The following SLF1 variants were observed in gnomAD, a reference collection of about 807,000 sequenced individuals.
The protein encoded by SLF1 is SMC5/6 complex localization factor 1, also known as SMC5-SMC6 complex localization factor protein 1.
Under a neutral mutation model 123.0 loss-of-function variants are expected in SLF1, and 105 were observed. That is an observed-to-expected ratio of 0.85 (90% CI 0.73 to 1.00). The LOEUF is 1.00. Ranked by LOEUF, SLF1 falls within the 50% of genes least tolerant of loss-of-function variation. The pLI is 0.00. For synonymous variants in SLF1, 434 were observed against 406.6 expected (o/e 1.07, Z -0.81); for missense variants, 1,239 against 1,223.0 (o/e 1.01, Z -0.20).
At chr5:94,658,223 A>T (rs1748660010) in intron 9 of SLF1, among the ~76,000 whole-genome samples, 1 of 144,286 alleles carries the variant, frequency 6.9e-6, no homozygotes, top group Non-Finnish European at 1.5e-5. Flanking sequence ...TTTGCTTTAC[A>T]GTGAGTTTTA....
At chr5:94,672,037 T>C (rs1322236050) in intron 14 of SLF1, among the ~76,000 whole-genome samples, 1 of 152,116 alleles carries the variant, frequency 6.6e-6, no homozygotes, top group Non-Finnish European at 1.5e-5. Context: ...AACCAGAATG[T>C]GTTTTTTCTG....
intron 5 of SLF1, among the ~76,000 whole-genome samples, chr5:94,645,226 C>G (rs1442244512): frequency 6.6e-6 from 1 of 152,122 alleles, no homozygotes; most frequent in Non-Finnish European, 1.5e-5. Context: ...TAGTTATGAA[C>G]ACAGAAGAAT....
At chr5:94,635,873 A>G (rs1745711138) in intron 4 of SLF1, among the ~76,000 whole-genome samples, 1 of 152,190 alleles carries the variant, frequency 6.6e-6, no homozygotes, top group South Asian at 2.1e-4. Flanking sequence ...ATATGATTCT[A>G]CATTACTTAG....
chr5:94,664,056 A>G (rs926544003), intron 11 of SLF1, 148 bp downstream of exon 11: 1 of 677,944 alleles, frequency 1.5e-6, no homozygotes, highest in African/African-American at 1.9e-5. Context: ...ATTTATTACT[A>G]CTGTTCTGTT....
At chr5:94,650,519 C>T (rs550956318) in intron 6 of SLF1, among the ~76,000 whole-genome samples, 30 of 152,104 alleles carry the variant, frequency 2.0e-4, no homozygotes, top group African/African-American at 6.5e-4. Context: ...CCCGCCATTG[C>T]GCCTGGCTAA....
In SLF1 at chr5:94,689,552, G is replaced by A. The variant is rs1752841197; in HGVS notation, c.2365G>A (p.Glu789Lys). 3 of 1,611,620 alleles carry A rather than the reference G, an allele frequency of 1.9e-6. No individual in the cohort carries two copies. The highest frequency in any genetic ancestry group is 1.1e-5 in the South Asian group (1 of 90,816). The change falls in exon 18 of 21, where the codon GAG becomes AAG. Residue 789 changes from glutamate to lysine, a missense_variant. By Grantham distance (56) the Glu-to-Lys change is moderately conservative. Transcript: ENST00000265140. Reference sequence around the variant, plus strand: ...AGAAGGAGAATTGTCATGTTCCAAGGAGAATTGCCCCTCTGTAGTTAAAAA... The same window carrying A: ...AGAAGGAGAATTGTCATGTTCCAAGAAGAATTGCCCCTCTGTAGTTAAAAA... ...KSEGELSCSKENCPSVVKKMN... is the reference protein window; with the variant it reads ...KSEGELSCSKKNCPSVVKKMN...
At chr5:94,661,815 G>A (rs1273172537) in intron 9 of SLF1, among the ~76,000 whole-genome samples, 2 of 152,184 alleles carry the variant, frequency 1.3e-5, no homozygotes, top group African/African-American at 4.8e-5. Context: ...GGGATTACAG[G>A]TGTGAGCCAC....
chr5:94,634,843 A>C (rs1745575653), intron 4 of SLF1, among the ~76,000 whole-genome samples: 2 of 152,126 alleles, frequency 1.3e-5, no homozygotes, highest in South Asian at 4.1e-4. Context: ...CCATTTGTTT[A>C]TCTTGTTATG....
intron 20 of SLF1, among the ~76,000 whole-genome samples, 171 bp from the exon 21 acceptor site, chr5:94,694,660 A>G (rs904433919): frequency 1.3e-5 from 2 of 151,828 alleles, no homozygotes; most frequent in African/African-American, 2.4e-5. Flanking sequence ...AATTTTTTTA[A>G]TGTACCTTTA....
intron 15 of SLF1, among the ~76,000 whole-genome samples, chr5:94,682,012 G>A (rs1751839546): frequency 1.3e-5 from 2 of 152,058 alleles, no homozygotes; most frequent in East Asian, 1.9e-4. Flanking sequence ...CTGTGCGTGT[G>A]TGTGCATGTG....
In SLF1 at chr5:94,628,803, T is replaced by G; in HGVS notation, c.1-8T>G. 2.0e-6 allele frequency: 3 copies of G among 1,516,280 alleles called. No individual in the cohort carries two copies. The highest frequency in any genetic ancestry group is 2.7e-6 in the Non-Finnish European group (3 of 1,126,948). 93.9% of individuals were successfully genotyped at this position (1,516,280 alleles called of 1,614,324 possible). On this transcript the variant is annotated splice_polypyrimidine_tract_variant and splice_region_variant and intron_variant, in intron 1 of 20. Coordinates refer to ENST00000265140, the MANE Select transcript of SLF1 (RefSeq NM_032290.4). ...ACACATTATCTTCTGTATGTTTGTA[T>G]TTGTTAGATGGAAGATGGTACCCCA...
At chr5:94,625,983 G>C (rs1249579954) in intron 1 of SLF1, among the ~76,000 whole-genome samples, 1 of 151,982 alleles carries the variant, frequency 6.6e-6, no homozygotes, top group Non-Finnish European at 1.5e-5. Flanking sequence ...GGTCGGGCGC[G>C]GTGGCTCACG....
rs1046374985 is a variant in SLF1, at chr5:94,618,726, C to CGCCGCT, written c.-36_-31dup. 6.5e-6 allele frequency: 1 copy of CGCCGCT among 154,818 alleles called. No homozygotes were observed. Among genetic ancestry groups the CGCCGCT allele is most frequent in the African/African-American group, 2.4e-5 (1 of 41,514 alleles). The allele number at this position is 154,818 out of a possible 1,614,324, so 9.6% of individuals were successfully genotyped here. On this transcript the variant is annotated 5_prime_UTR_variant, in exon 1 of 21. Transcript: ENST00000265140. ...CTGCAGCGGCAGTCGTCGCCCCTGC[C>CGCCGCT]GCCGCTGCCACCGAAGGAAGCATCC...
At chr5:94,665,783 T>C (rs778463544) in intron 11 of SLF1, 78 bp from the exon 12 acceptor site, 122 of 1,277,296 alleles carry the variant, frequency 9.6e-5, no homozygotes, top group African/African-American at 6.0e-4. Flanking sequence ...GGTTACTGTT[T>C]TGGTTTTAGA....
chr5:94,677,189 C>A (rs1475905493), intron 14 of SLF1, among the ~76,000 whole-genome samples: 1 of 152,096 alleles, frequency 6.6e-6, no homozygotes, highest in Non-Finnish European at 1.5e-5. Context: ...CTATTCTAAT[C>A]CCTAAAATTC....
intron 4 of SLF1, among the ~76,000 whole-genome samples, chr5:94,635,551 G>A (rs933096549): frequency 1.3e-5 from 2 of 150,908 alleles, no homozygotes; most frequent in African/African-American, 4.9e-5. Context: ...ATGGTTTTCT[G>A]TAGTGGTTTG....
intron 9 of SLF1, among the ~76,000 whole-genome samples, chr5:94,660,520 C>G (rs1195201800): frequency 3.3e-5 from 5 of 152,128 alleles, no homozygotes; most frequent in Non-Finnish European, 7.4e-5. Context: ...TCAGGCCCCC[C>G]GATAGCTCCT....
rs755408964 is a variant in SLF1, at chr5:94,678,936, T to A, written c.1956T>A (p.Tyr652Ter). The stretch of plus-strand genomic sequence containing the variant: ...ACATGTCTGATGACTTAGGAAGTTA[T>A]GTTTCTCTTTCGTGTGATGGTAAGT... Reference protein sequence around the residue: ...MRHMSDDLGSYVSLSCDDFSS... With the variant: ...MRHMSDDLGS Residue 652 changes from tyrosine (Y) to a stop codon, truncating the protein, a stop_gained, in exon 15 of 21, where the codon TAT becomes TAA. Coordinates refer to ENST00000265140, the MANE Select transcript of SLF1 (RefSeq NM_032290.4). LOFTEE classifies it high-confidence loss of function. 6.2e-7 allele frequency: 1 copy of A among 1,613,200 alleles called. No homozygotes were observed. Among genetic ancestry groups the A allele is most frequent in the Non-Finnish European group, 8.5e-7 (1 of 1,179,670 alleles).
At chr5:94,676,460 G>A (rs1254120735) in intron 14 of SLF1, among the ~76,000 whole-genome samples, 1 of 152,166 alleles carries the variant, frequency 6.6e-6, no homozygotes, top group Non-Finnish European at 1.5e-5. Context: ...CAACTGCAAG[G>A]CTTAAACTCA....
Sources: gnomAD v4.1 joint callset for allele counts (sites outside exome capture counted in the v4.1 genomes callset) on GRCh38, gnomAD v4.1.1 for gene constraint, MANE v1.5 for transcripts, NCBI Gene and HGNC (gene_info 2026-07-23, HGNC 2026-07-21) for gene names.